Variants in FBXO8 observed in about 807,000 individuals in gnomAD.
FBXO8 encodes F-box protein 8.
In FBXO8, 15 loss-of-function variants were observed where a neutral mutation model predicts 33.4. That is an observed-to-expected ratio of 0.45 (90% CI 0.30 to 0.69). FBXO8 has a LOEUF of 0.69. Ranked by LOEUF, FBXO8 falls within the 30% of genes least tolerant of loss-of-function variation. The pLI, the probability that FBXO8 is intolerant of heterozygous loss-of-function variation, is 0.08. For synonymous variants in FBXO8, 132 were observed against 131.5 expected (o/e 1.00, Z -0.02); for missense variants, 274 against 380.3 (o/e 0.72, Z 2.32).
rs759486541 is a variant in FBXO8 at position 174,245,141 on chromosome 4, C to T, written c.457-3923G>A. Among the ~76,000 whole-genome samples, 5 of 151,482 alleles carry T rather than the reference C, an allele frequency of 3.3e-5. No individual in the cohort carries two copies. The highest frequency in any genetic ancestry group is 7.4e-5 in the Non-Finnish European group (5 of 67,756). ...TGAGTAGTGTAACACAGAGTTTTGC[C>T]CTAAGAAAATTTAAAGTTTATCTGT... On this transcript the variant is annotated intron_variant, in intron 3 of 5. Coordinates refer to ENST00000393674, the MANE Select transcript of FBXO8 (RefSeq NM_012180.3). This position sits in a 1 kb window ranked among gnomAD's most constrained non-coding sequence, Gnocchi z 4.6.
At position 174,255,590 on chromosome 4, in the gene FBXO8, T is replaced by TAA. The variant is rs772640188; in HGVS notation, c.456+4107_456+4108dup. Among the ~76,000 whole-genome samples the TAA allele has an allele frequency of 6.9e-6, 1 of 145,362 alleles. No individual in the cohort carries two copies. Among genetic ancestry groups the TAA allele is most frequent in the Admixed American group, 6.9e-5 (1 of 14,564 alleles). ...CAGAAAAATGTGCTTACATAGTCATTAAAAAAAAAAACTTGTTATCTGACC... is the reference window on the plus strand; with the variant it reads ...CAGAAAAATGTGCTTACATAGTCATTAAAAAAAAAAAAACTTGTTATCTGACC... On this transcript the variant is annotated intron_variant, in intron 3 of 5. Transcript: ENST00000393674. This position sits in a 1 kb window ranked among gnomAD's most constrained non-coding sequence, Gnocchi z 4.3.
At chr4:174,258,306 T>C (rs1041459064) in intron 3 of FBXO8, among the ~76,000 whole-genome samples, 1 of 152,102 alleles carries the variant, frequency 6.6e-6, no homozygotes, top group African/African-American at 2.4e-5. Flanking sequence ...ATAAAAGGCA[T>C]GAGAAAAAAT....
rs1736624046 is a variant in FBXO8, at chr4:174,263,686, G to C, written c.-8-586C>G. On this transcript the variant is annotated intron_variant, in intron 1 of 5. Transcript: ENST00000393674. The surrounding 1 kb of genome is among the most constrained non-coding windows in gnomAD (Gnocchi z 4.2). ...AGAAACCTTGTAAATTAGACACCTA[G>C]AACTCCATGATAAATAGCTCGGTAA... Among the ~76,000 whole-genome samples, 1 of 152,104 alleles carries C rather than the reference G, an allele frequency of 6.6e-6. No homozygotes were observed. The highest frequency in any genetic ancestry group is 2.1e-4 in the South Asian group (1 of 4,818).
intron 3 of FBXO8, among the ~76,000 whole-genome samples, chr4:174,258,849 T>C (rs1225472618): frequency 6.6e-6 from 1 of 152,052 alleles, no homozygotes. Flanking sequence ...TAGAAAATAC[T>C]TGGCTGTATG....
At position 174,275,156 on chromosome 4, in the gene FBXO8, G is replaced by T. The variant is rs900432586; in HGVS notation, c.-9+8254C>A. On this transcript the variant is annotated intron_variant, in intron 1 of 5. Transcript: ENST00000393674. This position sits in a 1 kb window ranked among gnomAD's most constrained non-coding sequence, Gnocchi z 4.4. ...CAAAAGATATAAACACACGTTTCAT[G>T]AAAGAGGATATACAAATGGCAAATA... is the stretch of plus-strand genomic sequence containing the variant. Among the ~76,000 whole-genome samples the T allele has an allele frequency of 3.3e-5, 5 of 152,172 alleles. No homozygotes were observed. The highest frequency in any genetic ancestry group is 7.4e-5 in the Non-Finnish European group (5 of 68,008).
chr4:174,271,619 C>T (rs1579036943), intron 1 of FBXO8, among the ~76,000 whole-genome samples: 1 of 152,140 alleles, frequency 6.6e-6, no homozygotes, highest in Non-Finnish European at 1.5e-5. Context: ...AATTGAATGA[C>T]ATTAGAGAAA....
At chr4:174,240,270 T>C (rs771269969) in intron 4 of FBXO8, among the ~76,000 whole-genome samples, 1 of 151,730 alleles carries the variant, frequency 6.6e-6, no homozygotes, top group Non-Finnish European at 1.5e-5. Flanking sequence ...ACCAGGATGC[T>C]GGACTCTGAA....
chr4:174,260,695 T>G (rs1055817453), intron 2 of FBXO8, among the ~76,000 whole-genome samples: 1 of 152,024 alleles, frequency 6.6e-6, no homozygotes, highest in Non-Finnish European at 1.5e-5. Flanking sequence ...ATTTGAAAGT[T>G]AATGTTTTAT....
In FBXO8 at chr4:174,272,528, TA is replaced by T. The variant is rs1736862481; in HGVS notation, c.-8-9429del. ...AGGACCAACTGTATAATCCATTACA[TA>T]AAAAAAGAATCTGTGAGTCTACACT... On this transcript the variant is annotated intron_variant, in intron 1 of 5. Coordinates refer to ENST00000393674, the MANE Select transcript of FBXO8 (RefSeq NM_012180.3). This position sits in a 1 kb window ranked among gnomAD's most constrained non-coding sequence, Gnocchi z 4.7. Among the ~76,000 whole-genome samples the T allele has an allele frequency of 6.6e-6, 1 of 151,802 alleles. No homozygotes were observed. Among genetic ancestry groups the T allele is most frequent in the Non-Finnish European group, 1.5e-5 (1 of 67,926 alleles).
chr4:174,247,066 T>C lies in FBXO8; in HGVS notation c.457-5848A>G, dbSNP rs1042070821. ...TGTTAAGGTTAAGCAAAATCTACCATACATATGTTCAGAATCAGTAAATAT... is the reference window on the plus strand; with the variant it reads ...TGTTAAGGTTAAGCAAAATCTACCACACATATGTTCAGAATCAGTAAATAT... On this transcript the variant is annotated intron_variant, in intron 3 of 5. Transcript: ENST00000393674. This position sits in a 1 kb window ranked among gnomAD's most constrained non-coding sequence, Gnocchi z 4.6. Among the ~76,000 whole-genome samples the C allele has an allele frequency of 6.6e-6, 1 of 152,064 alleles. No homozygotes were observed. The highest frequency in any genetic ancestry group is 1.5e-5 in the Non-Finnish European group (1 of 67,982).
In FBXO8 at chr4:174,257,696, G is replaced by A. The variant is rs1736446989; in HGVS notation, c.456+2003C>T. Among the ~76,000 whole-genome samples, 1 of 151,686 alleles carries A rather than the reference G, an allele frequency of 6.6e-6. No homozygotes were observed. The highest frequency in any genetic ancestry group is 2.4e-5 in the African/African-American group (1 of 41,272). On this transcript the variant is annotated intron_variant, in intron 3 of 5. Coordinates refer to ENST00000393674, the MANE Select transcript of FBXO8 (RefSeq NM_012180.3). The surrounding 1 kb of genome is among the most constrained non-coding windows in gnomAD (Gnocchi z 4.3). ...ACTATTATTAAGATCATTGAGACAG[G>A]GTCTCACTCTCACAGCTTATTGCAC... is the stretch of plus-strand genomic sequence containing the variant.
chr4:174,263,641 T>C lies in FBXO8; in HGVS notation c.-8-541A>G, dbSNP rs573746976. On this transcript the variant is annotated intron_variant, in intron 1 of 5. Transcript: ENST00000393674. The surrounding 1 kb of genome is among the most constrained non-coding windows in gnomAD (Gnocchi z 4.2). ...TTGTAGACTGTAATAAAATGTAACA[T>C]AGGCCCTGAAGTCTAATTCAGAAAC... Among the ~76,000 whole-genome samples the C allele has an allele frequency of 4.2e-3, 644 of 152,316 alleles. 1 individual carries two copies. Among genetic ancestry groups the C allele is most frequent in the Non-Finnish European group, 7.1e-3 (482 of 68,016 alleles).
At chr4:174,279,676 A>C (rs1033626695) in intron 1 of FBXO8, among the ~76,000 whole-genome samples, 4 of 152,154 alleles carry the variant, frequency 2.6e-5, no homozygotes, top group Non-Finnish European at 4.4e-5. Context: ...AATAGAACAG[A>C]GAATCCAGAA....
chr4:174,273,519 A>G (rs1736887199), intron 1 of FBXO8, among the ~76,000 whole-genome samples: 1 of 152,144 alleles, frequency 6.6e-6, no homozygotes, highest in Non-Finnish European at 1.5e-5. Context: ...CATAGTATCA[A>G]TGTTAAATTT....
intron 1 of FBXO8, among the ~76,000 whole-genome samples, chr4:174,264,014 G>A (rs747370902): frequency 1.5e-4 from 23 of 152,038 alleles, no homozygotes; most frequent in Non-Finnish European, 1.6e-4. Flanking sequence ...CAACTAAATC[G>A]GAGTTCCTAA....
At chr4:174,250,579 TA>T (rs1387106083) in intron 3 of FBXO8, among the ~76,000 whole-genome samples, 2 of 152,092 alleles carry the variant, frequency 1.3e-5, no homozygotes, top group African/African-American at 4.8e-5. Flanking sequence ...GGCATCTCTC[TA>T]AAAACTTTAT....
At chr4:174,273,892 T>A (rs1387858953) in intron 1 of FBXO8, among the ~76,000 whole-genome samples, 2 of 152,200 alleles carry the variant, frequency 1.3e-5, no homozygotes, top group Non-Finnish European at 2.9e-5. Flanking sequence ...TAATACAGAC[T>A]GAAGACCATT....
At chr4:174,248,865 A>G (rs1225421528) in intron 3 of FBXO8, among the ~76,000 whole-genome samples, 2 of 152,046 alleles carry the variant, frequency 1.3e-5, no homozygotes, top group Non-Finnish European at 2.9e-5. Context: ...CAGTTAAAAG[A>G]TGTCAACAGA....
chr4:174,243,488 T>C (rs190217621), intron 3 of FBXO8, among the ~76,000 whole-genome samples: 1 of 150,580 alleles, frequency 6.6e-6, no homozygotes, highest in Admixed American at 6.6e-5. Flanking sequence ...ACCCAAATTC[T>C]TATCTTCTTA....
Sources: gnomAD v4.1 joint callset for allele counts (sites outside exome capture counted in the v4.1 genomes callset) on GRCh38, gnomAD v4.1.1 for gene constraint, Gnocchi (gnomAD v3.1) non-coding constraint, MANE v1.5 for transcripts, NCBI Gene and HGNC (gene_info 2026-07-23, HGNC 2026-07-21) for gene names.